The following PHLPP1 variants were observed in gnomAD, a reference collection of about 807,000 sequenced individuals.
PHLPP1 encodes the protein PH domain and leucine rich repeat protein phosphatase 1.
PHLPP1 carries 42 observed loss-of-function variants against 117.2 expected under a neutral mutation model. That is an observed-to-expected ratio of 0.36 (90% confidence interval 0.28 to 0.46). The LOEUF is 0.46. PHLPP1 is among the 20% of genes least tolerant of loss of function. PHLPP1 has a pLI of 1.00. For missense variants in PHLPP1, 2,084 were observed against 2,241.9 expected (o/e 0.93, Z 1.42); for synonymous variants, 1,042 against 970.7 (o/e 1.07, Z -1.37).
At chr18:62,754,017 C>G (rs964392494) in intron 1 of PHLPP1, among the ~76,000 whole-genome samples, 1 of 152,158 alleles carries the variant, frequency 6.6e-6, no homozygotes, top group Admixed American at 6.5e-5. Flanking sequence ...CATTTTGTTA[C>G]ACCCATGTAA....
intron 4 of PHLPP1, among the ~76,000 whole-genome samples, chr18:62,892,145 A>G (rs1330394510): frequency 4.3e-5 from 6 of 138,204 alleles, no homozygotes; most frequent in African/African-American, 1.7e-4. Flanking sequence ...CTGGAATGCA[A>G]TGGCACGATC....
At chr18:62,736,768 C>G (rs967856108) in intron 1 of PHLPP1, among the ~76,000 whole-genome samples, 1 of 152,198 alleles carries the variant, frequency 6.6e-6, no homozygotes, top group Non-Finnish European at 1.5e-5. Context: ...TGGCTCACCA[C>G]CCAGCTTCCA....
rs770295086 is a variant in PHLPP1 at position 62,978,825 on chromosome 18, C to T, written c.4548C>T (p.Cys1516=). 21 of 1,609,806 alleles carry T rather than the reference C, an allele frequency of 1.3e-5. No individual in the cohort carries two copies. The East Asian group carries it at 3.6e-4, about 27-fold the overall frequency. ...CTGCCTACCCCAGTGAGCAGCGCTG[C>T]ATGCTCCACCCCATCTGTCTGTCCA... The part of the protein sequence containing the change: ...NSPAYPSEQR[C]MLHPICLSNS... The change falls in exon 17 of 17, where the codon TGC becomes TGT. Residue 1516 remains cysteine, a synonymous_variant. Transcript: ENST00000262719. The surrounding 1 kb of genome is among the most constrained non-coding windows in gnomAD (Gnocchi z 7.0).
chr18:62,875,382 A>G (rs930230820), intron 4 of PHLPP1, among the ~76,000 whole-genome samples: 1 of 152,156 alleles, frequency 6.6e-6, no homozygotes, highest in East Asian at 1.9e-4. Flanking sequence ...GTGTGTTACT[A>G]TTGTCCCCTG....
chr18:62,789,135 G>A (rs111443132), intron 1 of PHLPP1, among the ~76,000 whole-genome samples: 2 of 152,240 alleles, frequency 1.3e-5, no homozygotes, highest in Admixed American at 1.3e-4. Flanking sequence ...GAGCACACAG[G>A]GGGTGGGGAA....
chr18:62,798,689 T>C (rs1278243693), intron 1 of PHLPP1, among the ~76,000 whole-genome samples: 2 of 152,130 alleles, frequency 1.3e-5, no homozygotes, highest in Non-Finnish European at 2.9e-5. Context: ...TTTTTATTGC[T>C]CATTTGCTTC....
intron 4 of PHLPP1, chr18:62,889,770 A>G (rs1024669644): frequency 3.3e-5 from 5 of 152,244 alleles, no homozygotes; most frequent in South Asian, 2.1e-4. Context: ...CACTTCTCCA[A>G]TGGGAATATA....
intron 12 of PHLPP1, among the ~76,000 whole-genome samples, chr18:62,950,007 C>T (rs1910407086): frequency 6.6e-6 from 1 of 152,174 alleles, no homozygotes; most frequent in Non-Finnish European, 1.5e-5. Context: ...TTCTCTGTCA[C>T]CCAGGCTGGA....
Position 62,836,479 on chromosome 18 carries a change from AT to A in PHLPP1, c.1774-2304del, listed in dbSNP as rs1209526177. Among the ~76,000 whole-genome samples, 289 of 133,504 alleles carry A rather than the reference AT, an allele frequency of 2.2e-3. 2 individuals carry two copies. The highest frequency in any genetic ancestry group is 6.2e-3 in the African/African-American group (227 of 36,852). 87.6% of individuals were successfully genotyped at this position (133,504 alleles called of 152,430 possible). ...AATAAATAAATAAATAAATAAATAAATAAATAAAAATAAATTACTGGATTTT... is the reference window on the plus strand; with the variant it reads ...AATAAATAAATAAATAAATAAATAAAAAATAAAAATAAATTACTGGATTTT... On this transcript the variant is annotated intron_variant, in intron 2 of 16. Transcript: ENST00000262719.
chr18:62,942,490 G>A (rs7235367), intron 11 of PHLPP1, among the ~76,000 whole-genome samples: 50,886 of 152,070 alleles, frequency 0.33, 8,988 homozygotes, highest in East Asian at 0.62. Flanking sequence ...GATGTACAGA[G>A]CAGTGGTAGA....
chr18:62,864,601 TACAACAGCAATATATTCTACAAC>T (rs2144365969), intron 4 of PHLPP1, among the ~76,000 whole-genome samples: 1 of 152,226 alleles, frequency 6.6e-6, no homozygotes, highest in South Asian at 2.1e-4. Flanking sequence ...ACACAAAGAG[TACAACAGCAATATATTCTACAAC>T]AGTAAAACAA....
Position 62,853,745 on chromosome 18 carries a change from C to T in PHLPP1, c.1900-6690C>T, listed in dbSNP as rs549509718. On this transcript the variant is annotated intron_variant, in intron 3 of 16. Transcript: ENST00000262719. ...CAACTGATCACAACTTGAATCTCTT[C>T]GTCTATAGTTCATTGATGGTCTGGC... Among the ~76,000 whole-genome samples the T allele has an allele frequency of 5.9e-5, 9 of 152,318 alleles. No homozygotes were observed. In the East Asian group the frequency reaches 1.2e-3, roughly 20 times the overall value.
chr18:62,932,225 C>T (rs1180763475), intron 10 of PHLPP1, among the ~76,000 whole-genome samples: 2 of 152,172 alleles, frequency 1.3e-5, no homozygotes, highest in African/African-American at 4.8e-5. Context: ...CTTGTTGAAA[C>T]TATTCCAAAA....
At chr18:62,805,695 A>T (rs1345269013) in intron 1 of PHLPP1, among the ~76,000 whole-genome samples, 1 of 152,074 alleles carries the variant, frequency 6.6e-6, no homozygotes, top group African/African-American at 2.4e-5. Context: ...TTTCGATGGC[A>T]TACACTTTTA....
chr18:62,722,678 C>T (rs910772348), intron 1 of PHLPP1, among the ~76,000 whole-genome samples: 12 of 152,058 alleles, frequency 7.9e-5, no homozygotes, highest in Admixed American at 6.5e-5. Flanking sequence ...CAAAATCCAC[C>T]ATATGAATTC....
intron 1 of PHLPP1, among the ~76,000 whole-genome samples, chr18:62,757,859 C>T (rs1417595733): frequency 6.6e-6 from 1 of 152,142 alleles, no homozygotes; most frequent in Non-Finnish European, 1.5e-5. Context: ...CCTGCAAAAA[C>T]GTTTTCATCT....
intron 10 of PHLPP1, among the ~76,000 whole-genome samples, chr18:62,938,377 C>T (rs1344420037): frequency 1.3e-5 from 2 of 152,104 alleles, no homozygotes; most frequent in African/African-American, 2.4e-5. Flanking sequence ...AGAAACTTTG[C>T]AAAACTAAAG....
intron 1 of PHLPP1, among the ~76,000 whole-genome samples, chr18:62,794,641 A>G (rs1913570905): frequency 6.6e-6 from 1 of 152,060 alleles, no homozygotes; most frequent in South Asian, 2.1e-4. Flanking sequence ...TCCCAAAGTG[A>G]TGGGATTACA....
At chr18:62,746,183 C>CTA (rs1419673215) in intron 1 of PHLPP1, among the ~76,000 whole-genome samples, 2 of 152,074 alleles carry the variant, frequency 1.3e-5, no homozygotes, top group African/African-American at 4.8e-5. Flanking sequence ...GTAGCTGAGA[C>CTA]TATAGGCATG....
Sources: gnomAD v4.1 joint callset for allele counts (sites outside exome capture counted in the v4.1 genomes callset) on GRCh38, gnomAD v4.1.1 for gene constraint, Gnocchi (gnomAD v3.1) non-coding constraint, MANE v1.5 for transcripts, NCBI Gene and HGNC (gene_info 2026-07-23, HGNC 2026-07-21) for gene names.